The following CPXM2 variants were observed in gnomAD, a reference collection of about 807,000 sequenced individuals.
CPXM2 encodes carboxypeptidase X, M14 family member 2.
Under a neutral mutation model 86.1 loss-of-function variants are expected in CPXM2, and 66 were observed. The observed-to-expected ratio is 0.77, with a 90% CI of 0.63 to 0.94. The LOEUF (loss-of-function observed/expected upper bound fraction) is 0.94. CPXM2 is among the 40% of genes least tolerant of loss of function. CPXM2 has a pLI of 0.00. For missense variants in CPXM2, 948 were observed against 1,026.3 expected (o/e 0.92, Z 1.04); for synonymous variants, 388 against 400.2 (o/e 0.97, Z 0.36).
At chr10:123,928,443 A>G (rs1379460735) in intron 2 of CPXM2, among the ~76,000 whole-genome samples, 1 of 152,212 alleles carries the variant, frequency 6.6e-6, no homozygotes, top group Non-Finnish European at 1.5e-5. Flanking sequence ...TGGCCACAGC[A>G]TGCTCTTCTT....
intron 2 of CPXM2, among the ~76,000 whole-genome samples, chr10:123,901,620 C>T (rs1945382126): frequency 6.6e-6 from 1 of 152,070 alleles, no homozygotes; most frequent in African/African-American, 2.4e-5. Context: ...CCTGAAAGAG[C>T]CAATCTTTCA....
intron 3 of CPXM2, among the ~76,000 whole-genome samples, chr10:123,847,476 A>T (rs898578384): frequency 6.6e-6 from 1 of 152,060 alleles, no homozygotes; most frequent in Non-Finnish European, 1.5e-5. Flanking sequence ...CAGTGAGCCG[A>T]GATGGCACCA....
At chr10:123,906,615 T>G (rs543236882) in intron 2 of CPXM2, among the ~76,000 whole-genome samples, 1 of 152,334 alleles carries the variant, frequency 6.6e-6, no homozygotes, top group South Asian at 2.1e-4. Flanking sequence ...AATTCCTCAC[T>G]GTGGAATGCC....
chr10:123,832,738 A>G (rs995246570), intron 4 of CPXM2, among the ~76,000 whole-genome samples: 3 of 151,568 alleles, frequency 2.0e-5, no homozygotes, highest in Non-Finnish European at 1.5e-5. Flanking sequence ...GAGACAGGAG[A>G]ATTGCTTGAA....
chr10:123,811,579 CAAAT>C (rs1448770297), intron 4 of CPXM2, among the ~76,000 whole-genome samples: 2 of 151,960 alleles, frequency 1.3e-5, no homozygotes, highest in South Asian at 2.1e-4. Context: ...TCATAAAAGA[CAAAT>C]AAACTGAAGT....
chr10:123,880,646 G>C (rs1008561181), intron 1 of CPXM2, among the ~76,000 whole-genome samples: 1 of 151,744 alleles, frequency 6.6e-6, no homozygotes, highest in Non-Finnish European at 1.5e-5. Flanking sequence ...TGGCTAACAC[G>C]GTGAAACCCT....
chr10:123,812,605 G>T (rs1847717109), intron 4 of CPXM2, among the ~76,000 whole-genome samples: 2 of 152,158 alleles, frequency 1.3e-5, no homozygotes, highest in Admixed American at 1.3e-4. Context: ...CTGGTCTGTT[G>T]CCTGTTAGGA....
chr10:123,932,632 A>T (rs901734101), intron 2 of CPXM2, among the ~76,000 whole-genome samples: 1 of 152,150 alleles, frequency 6.6e-6, no homozygotes, highest in African/African-American at 2.4e-5. Context: ...ACTCAACAGC[A>T]TCTACTTAAA....
At chr10:123,844,789 G>C (rs1451844774) in intron 3 of CPXM2, among the ~76,000 whole-genome samples, 1 of 152,166 alleles carries the variant, frequency 6.6e-6, no homozygotes, top group East Asian at 1.9e-4. Flanking sequence ...CGTCAAAACA[G>C]CACAATAAGA....
At chr10:123,908,283 G>A (rs1945460617) in intron 2 of CPXM2, among the ~76,000 whole-genome samples, 1 of 152,172 alleles carries the variant, frequency 6.6e-6, no homozygotes, top group Non-Finnish European at 1.5e-5. Context: ...ACTTCTGCTG[G>A]AGAAAGACTA....
intron 13 of CPXM2, chr10:123,750,222 TAGAC>T: frequency 1.0e-6 from 1 of 985,392 alleles, no homozygotes; most frequent in Non-Finnish European, 1.2e-6. Context: ...TGAGGAGAAA[TAGAC>T]AAGCAGGTGG....
Position 123,774,919 on chromosome 10 carries a change from C to A in CPXM2, c.979-3880G>T, listed in dbSNP as rs189071397. On this transcript the variant is annotated intron_variant, in intron 7 of 13. Transcript: ENST00000241305. ...ATAAAAGACACAGTAATAACGTCAC[C>A]AATTGTGTTAACAAGAACAGGAACA... 9.0e-4 allele frequency among the ~76,000 whole-genome samples: 137 copies of A among 152,240 alleles called. 1 individual carries two copies. The highest frequency in any genetic ancestry group is 3.7e-3 in the Admixed American group (57 of 15,284).
At chr10:123,819,862 G>A (rs1847889568) in intron 4 of CPXM2, among the ~76,000 whole-genome samples, 2 of 152,206 alleles carry the variant, frequency 1.3e-5, no homozygotes, top group Admixed American at 1.3e-4. Flanking sequence ...TCCTGGGCAT[G>A]TCTGTGAGGA....
At position 123,746,900 on chromosome 10, in the gene CPXM2, G is replaced by A. The variant is rs1263634298; in HGVS notation, c.2135C>T (p.Thr712Ile). ...TTTGCTAAGTGTGAAGTCACACCTT[G>A]TGGCCCCCATGTCATAGCCAACCAT... Reference protein sequence around the residue: ...NCMVGYDMGATRCDFTLSKTN... With the variant: ...NCMVGYDMGAIRCDFTLSKTN... The change falls in exon 14 of 14, where the codon ACA (threonine) becomes ATA (isoleucine). Residue 712 changes from threonine (T) to isoleucine (I), a missense_variant. By Grantham distance (89) the Thr-to-Ile change is moderately conservative (BLOSUM62 -1). Coordinates refer to ENST00000241305, the MANE Select transcript of CPXM2 (RefSeq NM_198148.3). The A allele has an allele frequency of 1.2e-6, 2 of 1,614,074 alleles. No homozygotes were observed. The highest frequency in any genetic ancestry group is 1.3e-5 in the African/African-American group (1 of 74,922).
intron 10 of CPXM2, among the ~76,000 whole-genome samples, chr10:123,765,909 C>T (rs1430015443): frequency 2.0e-5 from 3 of 152,082 alleles, no homozygotes; most frequent in Admixed American, 6.5e-5. Flanking sequence ...AGTAGAAGTC[C>T]GATCTTTTGT....
At chr10:123,854,759 T>A (rs1057501060) in intron 3 of CPXM2, among the ~76,000 whole-genome samples, 4 of 151,886 alleles carry the variant, frequency 2.6e-5, no homozygotes, top group African/African-American at 9.7e-5. Context: ...TGTACACAGG[T>A]AGGATGACCG....
chr10:123,838,407 T>C (rs1803375781), intron 4 of CPXM2, among the ~76,000 whole-genome samples: 1 of 152,186 alleles, frequency 6.6e-6, no homozygotes, highest in South Asian at 2.1e-4. Flanking sequence ...TGAGTCGATA[T>C]CACTCCTCTG....
chr10:123,935,927 A>C (rs1590130354), intron 2 of CPXM2, among the ~76,000 whole-genome samples: 15 of 8,136 alleles, frequency 1.8e-3, no homozygotes, highest in East Asian at 7.6e-3. Context: ...TCATCACCAC[A>C]TTTACCATCA....
Position 123,878,506 on chromosome 10 carries a change from CGTGTGTGTGT to C in CPXM2, c.403+1695_403+1704del, listed in dbSNP as rs200009107. 9.9e-3 allele frequency among the ~76,000 whole-genome samples: 1,340 copies of C among 134,872 alleles called. 16 individuals carry two copies. Among genetic ancestry groups the C allele is most frequent in the African/African-American group, 0.035 (1,249 of 35,768 alleles). The allele number at this position is 134,872 out of a possible 152,430, so 88.5% of individuals were successfully genotyped here. A position where few individuals can be genotyped will look rare whatever the true frequency, so the allele number is the denominator to read the frequency against. On this transcript the variant is annotated intron_variant, in intron 2 of 13. Transcript: ENST00000241305. ...TGGCAGAAAAGGAGGCAAATTCAGA[CGTGTGTGTGT>C]GTGTGTGTGTGTGTGTGTGTGTGTG...
Sources: gnomAD v4.1 joint callset for allele counts (sites outside exome capture counted in the v4.1 genomes callset) on GRCh38, gnomAD v4.1.1 for gene constraint, MANE v1.5 for transcripts, NCBI Gene and HGNC (gene_info 2026-07-23, HGNC 2026-07-21) for gene names.